Variants in DOCK1 observed in about 807,000 individuals in gnomAD.
DOCK1 encodes dedicator of cytokinesis protein 1.
A neutral mutation model predicts 262.7 loss-of-function variants in DOCK1; 138 were observed. That is an observed-to-expected ratio of 0.53 (90% CI 0.46 to 0.61). The LOEUF is 0.61. Ranked by LOEUF, DOCK1 falls within the 20% of genes least tolerant of loss-of-function variation. The pLI is 0.00. For missense variants in DOCK1, 1,908 were observed against 2,370.7 expected (o/e 0.80, Z 4.05); for synonymous variants, 866 against 867.4 (o/e 1.00, Z 0.03).
intron 27 of DOCK1, among the ~76,000 whole-genome samples, chr10:127,130,574 T>A (rs1371912110): frequency 3.3e-5 from 5 of 152,210 alleles, no homozygotes; most frequent in African/African-American, 1.2e-4. Flanking sequence ...GGGAATGATA[T>A]CTCCTCTCAG....
chr10:127,339,648 TGCGC>T (rs56813753), intron 30 of DOCK1, among the ~76,000 whole-genome samples: 1 of 143,782 alleles, frequency 7.0e-6, no homozygotes, highest in African/African-American at 2.7e-5. Flanking sequence ...TGTGTGTGTG[TGCGC>T]GCGCGCATGC....
chr10:127,295,669 C>T (rs536584333), intron 29 of DOCK1, among the ~76,000 whole-genome samples: 1 of 151,076 alleles, frequency 6.6e-6, no homozygotes, highest in Admixed American at 6.6e-5. Context: ...GAGACACTGC[C>T]CACCCCACCC....
Position 126,995,992 on chromosome 10 carries a change from C to G in DOCK1, c.474-756C>G, listed in dbSNP as rs911493516. Among the ~76,000 whole-genome samples, 1 of 152,098 alleles carries G rather than the reference C, an allele frequency of 6.6e-6. No individual in the cohort carries two copies. Among genetic ancestry groups the G allele is most frequent in the Non-Finnish European group, 1.5e-5 (1 of 68,030 alleles). On this transcript the variant is annotated intron_variant, in intron 6 of 51. Transcript: ENST00000623213. The surrounding 1 kb of genome is among the most constrained non-coding windows in gnomAD (Gnocchi z 5.8). The stretch of plus-strand genomic sequence containing the variant: ...TTCTTCCCTCTCTCCTTCCTCAACT[C>G]TCTGATGATGTCACAACTGCCAGCT...
At chr10:127,354,487 A>G (rs570162612) in intron 31 of DOCK1, among the ~76,000 whole-genome samples, 182 bp from the exon 32 acceptor site, 1 of 152,296 alleles carries the variant, frequency 6.6e-6, no homozygotes, top group East Asian at 1.9e-4. Flanking sequence ...AGAAAGTGAG[A>G]TTTCCCCCAG....
rs2133912967 is a variant in DOCK1, at chr10:127,176,689, TTCA to T, written c.2847+48929_2847+48931del. ...CATTAGACAAACCTGTTTTACTACA[TTCA>T]TCAAGAAACCCAATGATGCTGCCTC... On this transcript the variant is annotated intron_variant, in intron 27 of 51. Coordinates refer to ENST00000623213, the MANE Select transcript of DOCK1 (RefSeq NM_001290223.2). This position sits in a 1 kb window ranked among gnomAD's most constrained non-coding sequence, Gnocchi z 4.4. Among the ~76,000 whole-genome samples, 1 of 152,302 alleles carries T rather than the reference TTCA, an allele frequency of 6.6e-6. No homozygotes were observed. The highest frequency in any genetic ancestry group is 2.4e-5 in the African/African-American group (1 of 41,560).
intron 27 of DOCK1, among the ~76,000 whole-genome samples, chr10:127,149,355 GT>G (rs747560495): frequency 1.3e-5 from 2 of 152,118 alleles, no homozygotes; most frequent in Non-Finnish European, 2.9e-5. Flanking sequence ...CGTACTGGTG[GT>G]TTTCCCCCCG....
At chr10:127,042,540 A>C in intron 19 of DOCK1, 85 bp from the exon 20 acceptor site, 1 of 1,196,408 alleles carries the variant, frequency 8.4e-7, no homozygotes, top group Non-Finnish European at 1.2e-6. Flanking sequence ...GGGTATTTGG[A>C]GTACTGCAGA....
intron 23 of DOCK1, among the ~76,000 whole-genome samples, chr10:127,093,353 C>T (rs2047697339): frequency 1.3e-5 from 2 of 148,928 alleles, no homozygotes; most frequent in Admixed American, 1.3e-4. Flanking sequence ...TCAAGTAATC[C>T]TCCTACCTCA....
At chr10:127,339,174 C>G in intron 30 of DOCK1, 90 bp downstream of exon 30, 2 of 1,187,520 alleles carry the variant, frequency 1.7e-6, no homozygotes, top group Non-Finnish European at 2.4e-6. Context: ...ATTTCTAATC[C>G]TTGAACTTAA....
intron 46 of DOCK1, among the ~76,000 whole-genome samples, chr10:127,424,954 C>T (rs1193314941): frequency 6.6e-6 from 1 of 152,134 alleles, no homozygotes; most frequent in African/African-American, 2.4e-5. Flanking sequence ...TAAATGGTAA[C>T]CAAATACATT....
At chr10:127,164,642 A>G (rs961328209) in intron 27 of DOCK1, among the ~76,000 whole-genome samples, 2 of 152,264 alleles carry the variant, frequency 1.3e-5, no homozygotes, top group East Asian at 3.8e-4. Context: ...GGACAGGGAC[A>G]AATACAGAGA....
chr10:126,996,157 G>C (rs906461023), intron 6 of DOCK1, among the ~76,000 whole-genome samples: 20 of 152,088 alleles, frequency 1.3e-4, no homozygotes, highest in Non-Finnish European at 2.6e-4. Flanking sequence ...GAGGTGGGCA[G>C]ATCACCTGAG....
At chr10:127,155,557 C>A (rs1257012144) in intron 27 of DOCK1, among the ~76,000 whole-genome samples, 2 of 152,132 alleles carry the variant, frequency 1.3e-5, no homozygotes, top group African/African-American at 2.4e-5. Flanking sequence ...GGGGGATGAA[C>A]AGCCTGTGCC....
intron 38 of DOCK1, among the ~76,000 whole-genome samples, chr10:127,388,210 G>A (rs184874644): frequency 6.6e-6 from 1 of 152,228 alleles, no homozygotes; most frequent in African/African-American, 2.4e-5. Context: ...TGTTTTGGTG[G>A]AGACAGAACA....
At chr10:126,924,557 G>A (rs1336198733) in intron 1 of DOCK1, among the ~76,000 whole-genome samples, 1 of 152,198 alleles carries the variant, frequency 6.6e-6, no homozygotes, top group Non-Finnish European at 1.5e-5. Context: ...CCCTTGAAAC[G>A]GCAGGGTGGG....
rs771746790 is a variant in DOCK1, at chr10:126,990,449, G to T, written c.325-6G>T. ...AATCTTTCTGATTGGGTTTTTCCCC[G>T]TATAGCAAGATAACAGGGAGATGTT... On this transcript the variant is annotated splice_region_variant and splice_polypyrimidine_tract_variant and intron_variant, in intron 5 of 51. Transcript: ENST00000623213. 1.3e-6 allele frequency: 2 copies of T among 1,599,886 alleles called. No homozygotes were observed. The highest frequency in any genetic ancestry group is 1.7e-6 in the Non-Finnish European group (2 of 1,172,714).
intron 29 of DOCK1, among the ~76,000 whole-genome samples, chr10:127,267,753 G>A (rs747198022): frequency 2.6e-5 from 4 of 152,114 alleles, no homozygotes; most frequent in South Asian, 2.1e-4. Context: ...ACATCTCTCC[G>A]CACAAAGCAA....
At chr10:127,015,196 TAA>T (rs534815218) in intron 12 of DOCK1, 7,566 of 149,430 alleles carry the variant, frequency 0.051, 282 homozygotes, top group African/African-American at 0.096. Context: ...AAAAAATATT[TAA>T]AAAAAAAAAG....
intron 28 of DOCK1, among the ~76,000 whole-genome samples, chr10:127,249,170 C>T (rs2134802918): frequency 6.6e-6 from 1 of 152,016 alleles, no homozygotes; most frequent in African/African-American, 2.4e-5. Context: ...TGACATGTAC[C>T]TTATTAAGAA....
Sources: gnomAD v4.1 joint callset for allele counts (sites outside exome capture counted in the v4.1 genomes callset) on GRCh38, gnomAD v4.1.1 for gene constraint, Gnocchi (gnomAD v3.1) non-coding constraint, MANE v1.5 for transcripts, NCBI Gene and HGNC (gene_info 2026-07-23, HGNC 2026-07-21) for gene names.